The following FOLH1 variants were observed in gnomAD, a reference collection of about 807,000 sequenced individuals.
FOLH1 encodes the protein folate hydrolase 1.
Under a neutral mutation model 93.9 loss-of-function variants are expected in FOLH1, and 54 were observed. The observed-to-expected ratio is 0.57, with a 90% confidence interval of 0.46 to 0.72. FOLH1 has a LOEUF of 0.72. FOLH1 is among the 30% of genes least tolerant of loss of function. The pLI, the probability that FOLH1 is intolerant of heterozygous loss-of-function variation, is 0.00. For missense variants in FOLH1, 571 were observed against 892.5 expected (o/e 0.64, Z 4.59); for synonymous variants, 249 against 303.6 (o/e 0.82, Z 1.87).
intron 4 of FOLH1, among the ~76,000 whole-genome samples, chr11:49,191,790 C>T (rs1450638347): frequency 8.5e-5 from 13 of 152,198 alleles, no homozygotes; most frequent in Non-Finnish European, 1.5e-4. Context: ...CTCCGCCTCC[C>T]GGGTTCACGC....
chr11:49,147,251 A>G (rs1256081727), intron 18 of FOLH1, among the ~76,000 whole-genome samples: 1 of 152,176 alleles, frequency 6.6e-6, no homozygotes, highest in East Asian at 1.9e-4. Context: ...ATGTTTAGAA[A>G]TAAACTCTAC....
chr11:49,183,811 C>A (rs544453406), intron 6 of FOLH1, among the ~76,000 whole-genome samples: 1 of 151,644 alleles, frequency 6.6e-6, no homozygotes, highest in African/African-American at 2.4e-5. Flanking sequence ...CCCAGGCAAA[C>A]GAATACACGA....
At chr11:49,165,193 C>T (rs904297301) in intron 12 of FOLH1, among the ~76,000 whole-genome samples, 1 of 152,140 alleles carries the variant, frequency 6.6e-6, no homozygotes, top group African/African-American at 2.4e-5. Context: ...TCTCTTTTAA[C>T]CTTGGCTCTT....
intron 6 of FOLH1, among the ~76,000 whole-genome samples, chr11:49,185,370 T>C (rs1024584735): frequency 1.3e-5 from 2 of 152,186 alleles, no homozygotes; most frequent in Non-Finnish European, 2.9e-5. Context: ...ATATACTTTT[T>C]CCCCATATTC....
rs12288886 is a variant in FOLH1 at position 49,149,030 on chromosome 11, G to A, written c.1971-299C>T. On this transcript the variant is annotated intron_variant, in intron 17 of 18. Transcript: ENST00000256999. ...TGTGCCATGTTGGTGTGCTGCACCC[G>A]TTATCTCACTCATAGGTGGGAATTG... Among the ~76,000 whole-genome samples, 779 of 151,934 alleles carry A rather than the reference G, an allele frequency of 5.1e-3. 8 individuals are homozygous for A. The highest frequency in any genetic ancestry group is 0.017 in the African/African-American group (718 of 41,474).
At position 49,171,417 on chromosome 11, in the gene FOLH1, T is replaced by C. The variant is rs1350041121; in HGVS notation, c.1226-140A>G. 4.3e-5 allele frequency: 51 copies of C among 1,187,694 alleles called. 1 individual carries two copies. The highest frequency in any genetic ancestry group is 5.6e-5 in the Non-Finnish European group (49 of 868,662). 73.6% of individuals were successfully genotyped at this position (1,187,694 alleles called of 1,614,324 possible). A position where few individuals can be genotyped will look rare whatever the true frequency, so the allele number is the denominator to read the frequency against. On this transcript the variant is annotated intron_variant, in intron 10 of 18. Transcript: ENST00000256999. ...CAAATTGTAGTAAAAAATCTTTACT[T>C]ACGTAACTTTTTTTGTAAGATTTTA...
At chr11:49,177,372 C>T (rs202712) in intron 7 of FOLH1, among the ~76,000 whole-genome samples, 55,497 of 151,524 alleles carry the variant, frequency 0.37, 11,452 homozygotes, top group African/African-American at 0.57. Flanking sequence ...CAATACATAG[C>T]CAAAACAGCA....
chr11:49,158,731 G>A (rs549830739), intron 13 of FOLH1, among the ~76,000 whole-genome samples: 101 of 152,148 alleles, frequency 6.6e-4, no homozygotes, highest in East Asian at 2.3e-3. Flanking sequence ...CAATATGGCC[G>A]TTTTAATGAT....
chr11:49,162,322 C>G (rs893468623), intron 13 of FOLH1, among the ~76,000 whole-genome samples: 1 of 152,118 alleles, frequency 6.6e-6, no homozygotes, highest in Non-Finnish European at 1.5e-5. Context: ...TTTGTTCATT[C>G]CTTTTTCTCT....
intron 11 of FOLH1, 25 bp downstream of exon 11, chr11:49,171,170 A>G: frequency 1.3e-6 from 2 of 1,553,800 alleles, no homozygotes; most frequent in South Asian, 1.2e-5. Flanking sequence ...ATAAAAATTT[A>G]TATTATAGCA....
intron 11 of FOLH1, among the ~76,000 whole-genome samples, chr11:49,170,312 T>G (rs1191359531): frequency 6.6e-6 from 1 of 152,138 alleles, no homozygotes; most frequent in African/African-American, 2.4e-5. Flanking sequence ...TTAAGAAAGA[T>G]AAATGAAAAG....
chr11:49,177,697 C>T (rs1044451685), intron 7 of FOLH1, among the ~76,000 whole-genome samples: 23 of 150,198 alleles, frequency 1.5e-4, no homozygotes, highest in Non-Finnish European at 2.9e-4. Flanking sequence ...CCTGTAATCC[C>T]AGCACTTTGG....
intron 18 of FOLH1, 38 bp downstream of exon 18, chr11:49,148,601 G>A (rs758082924): frequency 2.9e-6 from 4 of 1,394,754 alleles, no homozygotes; most frequent in South Asian, 2.6e-5. Context: ...AGAAGAAAAA[G>A]TGATATTACA....
intron 1 of FOLH1, among the ~76,000 whole-genome samples, chr11:49,207,364 G>C (rs1178427604): frequency 1.3e-5 from 2 of 152,242 alleles, no homozygotes; most frequent in African/African-American, 4.8e-5. Flanking sequence ...TGAGCACAGT[G>C]TGTGGTTCAA....
At chr11:49,207,341 A>G in intron 1 of FOLH1, among the ~76,000 whole-genome samples, 1 of 152,228 alleles carries the variant, frequency 6.6e-6, no homozygotes, top group Non-Finnish European at 1.5e-5. Flanking sequence ...CTTTTAAGAG[A>G]TGAAGATTGT....
intron 3 of FOLH1, among the ~76,000 whole-genome samples, chr11:49,196,634 G>A (rs1263731232): frequency 2.0e-5 from 3 of 152,026 alleles, no homozygotes; most frequent in African/African-American, 4.8e-5. Context: ...TACACTGAAT[G>A]TCATCTTCAG....
intron 4 of FOLH1, among the ~76,000 whole-genome samples, chr11:49,189,304 T>A (rs1861762434): frequency 6.6e-6 from 1 of 152,220 alleles, no homozygotes; most frequent in South Asian, 2.1e-4. Context: ...TCCAATATCC[T>A]ATCATTTTAT....
In FOLH1 at chr11:49,206,324, C is replaced by T. The variant is rs530786676; in HGVS notation, c.119-152G>A. On this transcript the variant is annotated intron_variant, in intron 1 of 18. Transcript: ENST00000256999. ...ATTTCTGAATTTTAATTTCTCTTGC[C>T]TACTTTCACTGAAAAAGAGTCATGC... 76 of 1,141,346 alleles carry T rather than the reference C, an allele frequency of 6.7e-5. No individual in the cohort carries two copies. The East Asian group carries it at 1.5e-3, about 22-fold the overall frequency. The allele number at this position is 1,141,346 out of a possible 1,614,324, so 70.7% of individuals were successfully genotyped here. A position where few individuals can be genotyped will look rare whatever the true frequency, so the allele number is the denominator to read the frequency against.
intron 4 of FOLH1, 102 bp from the exon 5 acceptor site, chr11:49,186,871 G>A (rs1861445767): frequency 4.6e-6 from 6 of 1,291,078 alleles, no homozygotes; most frequent in Middle Eastern, 4.0e-4. Flanking sequence ...AGAGGTCAGA[G>A]CACACAGGAA....
Sources: allele counts gnomAD v4.1 joint callset (sites outside exome capture counted in the v4.1 genomes callset), GRCh38; gene constraint gnomAD v4.1.1; transcripts MANE v1.5; gene names NCBI Gene and HGNC (gene_info 2026-07-23, HGNC 2026-07-21).